DOT1L: variants seen among roughly 807,000 people sequenced by gnomAD.
DOT1L encodes the protein histone-lysine N-methyltransferase, H3 lysine-79 specific.
In DOT1L, 33 loss-of-function variants were observed where a neutral mutation model predicts 153.3. The observed-to-expected ratio is 0.22, with a 90% CI of 0.16 to 0.29. The LOEUF (loss-of-function observed/expected upper bound fraction) is 0.29, where lower values mean the gene tolerates loss of function less well. Among genes scored for constraint, DOT1L ranks in the 10% least tolerant of loss-of-function variants. The pLI is 1.00. For synonymous variants in DOT1L, 1,135 were observed against 965.1 expected (o/e 1.18, Z -3.26); for missense variants, 1,847 against 2,119.9 (o/e 0.87, Z 2.53).
chr19:2,229,502 T>A lies in DOT1L; in HGVS notation c.4607-283T>A. The A allele has an allele frequency of 4.1e-6, 4 of 985,244 alleles. 1 individual carries two copies. The South Asian group carries it at 1.4e-4, about 35-fold the overall frequency. 61.0% of individuals were successfully genotyped at this position (985,244 alleles called of 1,614,324 possible). On this transcript the variant is annotated intron_variant, in intron 27 of 27. Coordinates refer to ENST00000398665, the MANE Select transcript of DOT1L (RefSeq NM_032482.3). ...AAGCTATGCTGGGTCTCTTAGGAGATGAGCTGCAGGTAGGGTGGCTTTAGC... is the reference window on the plus strand; with the variant it reads ...AAGCTATGCTGGGTCTCTTAGGAGAAGAGCTGCAGGTAGGGTGGCTTTAGC...
rs1449114062 is a variant in DOT1L, at chr19:2,197,479, T to G, written c.652-2405T>G. Among the ~76,000 whole-genome samples the G allele has an allele frequency of 6.6e-6, 1 of 152,182 alleles. No individual in the cohort carries two copies. Among genetic ancestry groups the G allele is most frequent in the Non-Finnish European group, 1.5e-5 (1 of 68,022 alleles). Reference sequence around the variant, plus strand: ...TGAGCCTTGCTCAGGAGAGGGGTGCTGTCGGGTGGTGGGGCTGCCGCAGCA... The same window carrying G: ...TGAGCCTTGCTCAGGAGAGGGGTGCGGTCGGGTGGTGGGGCTGCCGCAGCA... On this transcript the variant is annotated intron_variant, in intron 7 of 27. Coordinates refer to ENST00000398665, the MANE Select transcript of DOT1L (RefSeq NM_032482.3). The surrounding 1 kb of genome is among the most constrained non-coding windows in gnomAD (Gnocchi z 4.1).
chr19:2,230,713 T>C lies in DOT1L; in HGVS notation c.*921T>C. ...TTTGACAGCTTTTATTTTTAGATGG[T>C]ATAATGCACAGTGAAGAGGAAAGAA... On this transcript the variant is annotated 3_prime_UTR_variant, in exon 28 of 28. Transcript: ENST00000398665. The C allele has an allele frequency of 2.5e-6, 1 of 397,798 alleles. No individual in the cohort carries two copies. Among genetic ancestry groups the C allele is most frequent in the Non-Finnish European group, 4.4e-6 (1 of 226,030 alleles). 24.6% of individuals were successfully genotyped at this position (397,798 alleles called of 1,614,324 possible). A position where few individuals can be genotyped will look rare whatever the true frequency, so the allele number is the denominator to read the frequency against.
rs2024602829 is a variant in DOT1L, at chr19:2,231,647, A to G, written c.*1855A>G. On this transcript the variant is annotated 3_prime_UTR_variant, in exon 28 of 28. Coordinates refer to ENST00000398665, the MANE Select transcript of DOT1L (RefSeq NM_032482.3). ...GGTGCTGTGCCTCTGCCTGAGCCCC[A>G]AGCCCCGAGCCTGGCCTTCAGGACA... is the stretch of plus-strand genomic sequence containing the variant. 1 of 213,830 alleles carries G rather than the reference A, an allele frequency of 4.7e-6. No homozygotes were observed. The highest frequency in any genetic ancestry group is 9.4e-6 in the Non-Finnish European group (1 of 106,038). 13.2% of individuals were successfully genotyped at this position (213,830 alleles called of 1,614,324 possible).
rs2144866634 is a variant in DOT1L, at chr19:2,216,435, A to T, written c.2078A>T (p.Glu693Val). Residue 693 changes from glutamate to valine, a missense_variant, in exon 20 of 28, where the codon GAG (glutamate) becomes GTG (valine). Transcript: ENST00000398665. ...CCTGACGCCAGCCGGCTGCACCTGG[A>T]GCTGGACTGCACCAAGTTCTCGCTG... Reference protein sequence around the residue: ...LEPDASRLHLELDCTKFSLPH... With the variant: ...LEPDASRLHLVLDCTKFSLPH... 6.2e-7 allele frequency: 1 copy of T among 1,612,604 alleles called. No individual in the cohort carries two copies. Among genetic ancestry groups the T allele is most frequent in the African/African-American group, 1.3e-5 (1 of 75,028 alleles).
At chr19:2,228,991 T>A (rs1250145568) in intron 27 of DOT1L, 1 of 985,294 alleles carries the variant, frequency 1.0e-6, no homozygotes, top group African/African-American at 1.7e-5. Flanking sequence ...CTCTGTGCCC[T>A]GCGTGTTGAG....
In DOT1L at chr19:2,204,105, G is replaced by A. The variant is rs967339831; in HGVS notation, c.787+1326G>A. Among the ~76,000 whole-genome samples the A allele has an allele frequency of 1.3e-5, 2 of 152,080 alleles. No homozygotes were observed. Among genetic ancestry groups the A allele is most frequent in the African/African-American group, 4.8e-5 (2 of 41,410 alleles). On this transcript the variant is annotated intron_variant, in intron 9 of 27. Transcript: ENST00000398665. This position sits in a 1 kb window ranked among gnomAD's most constrained non-coding sequence, Gnocchi z 5.7. ...AGGGTGCTTGTGTGCCTGTGTCTGT[G>A]TGTGCGTGTCTGTGTCTCTGTGCAT...
chr19:2,221,309 G>A (rs1323959555), intron 23 of DOT1L: 1 of 152,842 alleles, frequency 6.5e-6, no homozygotes, highest in Non-Finnish European at 1.5e-5. Flanking sequence ...AGCCCGGGCA[G>A]TTCTGCCCTC....
rs1350413904 is a variant in DOT1L, at chr19:2,226,933, G to A, written c.4412G>A (p.Gly1471Glu). The change falls in exon 27 of 28, where the codon GGA (glycine) becomes GAA (glutamate). Residue 1471 changes from glycine to glutamate, a missense_variant. Gly to Glu is a moderately conservative substitution (Grantham distance 98). Around this residue, in one of 8 missense-constraint regions of DOT1L, gnomAD observed 934 missense variants for 825.3 expected, o/e 1.13. Transcript: ENST00000398665. ...HRSFLGPFPP[G>E]PQFALGPMSL... is the part of the protein sequence containing the mutation. ...TCCTTCCTGGGCCCCTTCCCGCCGG[G>A]ACCGCAGTTCGCGCTCGGCCCCATG... The A allele has an allele frequency of 6.3e-7, 1 of 1,583,358 alleles. No homozygotes were observed. The highest frequency in any genetic ancestry group is 8.5e-7 in the Non-Finnish European group (1 of 1,173,394).
intron 18 of DOT1L, 54 bp downstream of exon 18, chr19:2,214,040 G>C: frequency 6.3e-7 from 1 of 1,578,566 alleles, no homozygotes; most frequent in South Asian, 1.1e-5. Context: ...CCCTGCCTGG[G>C]CGGGTGTGTC....
intron 14 of DOT1L, 23 bp downstream of exon 14, chr19:2,210,878 C>T (rs1257229164): frequency 3.1e-6 from 5 of 1,607,224 alleles, no homozygotes; most frequent in East Asian, 2.2e-5. Flanking sequence ...CACGCCACGG[C>T]CCCCGCTCTC....
rs1333141668 is a variant in DOT1L at position 2,220,376 on chromosome 19, C to T, written c.2806+154C>T. The T allele has an allele frequency of 9.0e-6, 7 of 776,008 alleles. No homozygotes were observed. The highest frequency in any genetic ancestry group is 1.5e-5 in the Non-Finnish European group (7 of 454,246). The allele number at this position is 776,008 out of a possible 1,614,324, so 48.1% of individuals were successfully genotyped here. On this transcript the variant is annotated intron_variant, in intron 23 of 27. Transcript: ENST00000398665. This position sits in a 1 kb window ranked among gnomAD's most constrained non-coding sequence, Gnocchi z 4.5. Reference sequence around the variant, plus strand: ...CCACGCCTCATTACTGACACCCTTTCCTGCATCCCACGAGCTGGGATGCGG... The same window carrying T: ...CCACGCCTCATTACTGACACCCTTTTCTGCATCCCACGAGCTGGGATGCGG...
In DOT1L at chr19:2,220,264, G is replaced by C; in HGVS notation, c.2806+42G>C. ...GCCCTACCCTCAGGACTCTGCTGCTGCTGCTGCTCTTCAGGCAGGAGGGCT... is the reference window on the plus strand; with the variant it reads ...GCCCTACCCTCAGGACTCTGCTGCTCCTGCTGCTCTTCAGGCAGGAGGGCT... On this transcript the variant is annotated intron_variant, in intron 23 of 27. Transcript: ENST00000398665. This position sits in a 1 kb window ranked among gnomAD's most constrained non-coding sequence, Gnocchi z 4.5. 6.4e-7 allele frequency: 1 copy of C among 1,571,016 alleles called. No individual in the cohort carries two copies.
chr19:2,231,494 C>T lies in DOT1L; in HGVS notation c.*1702C>T. Reference sequence around the variant, plus strand: ...CTGGTGAGGGGGGTGCTGCCTCCCCCAGCCCCCAACAACCTCTCAGACCCC... The same window carrying T: ...CTGGTGAGGGGGGTGCTGCCTCCCCTAGCCCCCAACAACCTCTCAGACCCC... On this transcript the variant is annotated 3_prime_UTR_variant, in exon 28 of 28. Transcript: ENST00000398665. 1 of 206,996 alleles carries T rather than the reference C, an allele frequency of 4.8e-6. No homozygotes were observed. The highest frequency in any genetic ancestry group is 9.8e-6 in the Non-Finnish European group (1 of 101,556). The allele number at this position is 206,996 out of a possible 1,614,324, so 12.8% of individuals were successfully genotyped here.
rs1289079816 is a variant in DOT1L at position 2,214,468 on chromosome 19, C to T, written c.1798-3C>T. On this transcript the variant is annotated splice_region_variant and splice_polypyrimidine_tract_variant and intron_variant, in intron 18 of 27. Coordinates refer to ENST00000398665, the MANE Select transcript of DOT1L (RefSeq NM_032482.3). ...CGCAACTGTCCCATCCCTATCCCCT[C>T]AGCTCAAGGCTCGCTGCGAGGAGCT... 6.2e-7 allele frequency: 1 copy of T among 1,612,660 alleles called. No individual in the cohort carries two copies.
At chr19:2,219,422 C>T (rs1045477631) in intron 22 of DOT1L, among the ~76,000 whole-genome samples, 2 of 152,260 alleles carry the variant, frequency 1.3e-5, no homozygotes, top group African/African-American at 2.4e-5. Flanking sequence ...CCCGGGCCCC[C>T]GAACACGCTC....
At chr19:2,213,740 C>G (rs1161054346) in intron 17 of DOT1L, 100 bp downstream of exon 17, 3 of 1,601,002 alleles carry the variant, frequency 1.9e-6, no homozygotes, top group African/African-American at 1.3e-5. Flanking sequence ...CTGTCTATGC[C>G]TCTGTCCAGC....
Position 2,230,428 on chromosome 19 carries a change from G to C in DOT1L, c.*636G>C. 1 of 400,146 alleles carries C rather than the reference G, an allele frequency of 2.5e-6. No individual in the cohort carries two copies. The highest frequency in any genetic ancestry group is 4.4e-6 in the Non-Finnish European group (1 of 227,168). 24.8% of individuals were successfully genotyped at this position (400,146 alleles called of 1,614,324 possible). A position where few individuals can be genotyped will look rare whatever the true frequency, so the allele number is the denominator to read the frequency against. On this transcript the variant is annotated 3_prime_UTR_variant, in exon 28 of 28. Transcript: ENST00000398665. ...CAGACTGTTCACCCTCCGGGGCGTG[G>C]GTTGCGCCCTTGCATGTGAAGGGGC...
chr19:2,177,656 A>G (rs1217763890), intron 1 of DOT1L, among the ~76,000 whole-genome samples: 2 of 151,576 alleles, frequency 1.3e-5, no homozygotes, highest in African/African-American at 2.4e-5. Flanking sequence ...AAGGGACCCT[A>G]TTTTCACTTT....
chr19:2,191,757 C>T lies in DOT1L; in HGVS notation c.493+517C>T, dbSNP rs961104936. Among the ~76,000 whole-genome samples the T allele has an allele frequency of 4.6e-5, 7 of 152,114 alleles. No individual in the cohort carries two copies. The highest frequency in any genetic ancestry group is 1.0e-4 in the Non-Finnish European group (7 of 68,022). On this transcript the variant is annotated intron_variant, in intron 5 of 27. Transcript: ENST00000398665. This position sits in a 1 kb window ranked among gnomAD's most constrained non-coding sequence, Gnocchi z 6.8. Reference sequence around the variant, plus strand: ...TCCCCAGTCTCCCTCGGCACCCCTGCGTCTGGGCCGTGCCCTGCCCCTCCC... The same window carrying T: ...TCCCCAGTCTCCCTCGGCACCCCTGTGTCTGGGCCGTGCCCTGCCCCTCCC...
Sources: gnomAD v4.1 joint callset for allele counts (sites outside exome capture counted in the v4.1 genomes callset) on GRCh38, gnomAD v4.1.1 for gene constraint, gnomAD v4.1.1 regional missense constraint, Gnocchi (gnomAD v3.1) non-coding constraint, MANE v1.5 for transcripts, NCBI Gene and HGNC (gene_info 2026-07-23, HGNC 2026-07-21) for gene names.